Variants in PPM1H observed in about 807,000 individuals in gnomAD.
PPM1H encodes protein phosphatase, Mg2+/Mn2+ dependent 1H.
Under a neutral mutation model 54.9 loss-of-function variants are expected in PPM1H, and 27 were observed. The ratio of observed to expected loss-of-function variants is 0.49; its 90% CI spans 0.36 to 0.68. PPM1H has a LOEUF of 0.68. PPM1H is among the 30% of genes least tolerant of loss of function. The pLI, the probability that PPM1H is intolerant of heterozygous loss-of-function variation, is 0.00. For missense variants in PPM1H, 596 were observed against 667.8 expected, an observed-to-expected ratio of 0.89 and a Z score of 1.19; for synonymous variants, 305 against 270.8, an observed-to-expected ratio of 1.13 and a Z score of -1.24.
chr12:62,744,079 G>C (rs2120549076), intron 4 of PPM1H, among the ~76,000 whole-genome samples: 1 of 151,840 alleles, frequency 6.6e-6, no homozygotes, highest in Admixed American at 6.6e-5. Context: ...TATTCATTGG[G>C]GCAAAGACTG....
chr12:62,854,252 G>T (rs912934268), intron 1 of PPM1H, among the ~76,000 whole-genome samples: 2 of 152,082 alleles, frequency 1.3e-5, no homozygotes, highest in South Asian at 2.1e-4. Context: ...GATCACTCAG[G>T]CAACTCTTAA....
At chr12:62,773,710 T>G (rs1433406800) in intron 4 of PPM1H, among the ~76,000 whole-genome samples, 1 of 152,142 alleles carries the variant, frequency 6.6e-6, no homozygotes, top group East Asian at 1.9e-4. Context: ...TGCAGCCTGC[T>G]GACTGGGACC....
chr12:62,890,315 A>C (rs1190391364), intron 1 of PPM1H, among the ~76,000 whole-genome samples: 1 of 152,120 alleles, frequency 6.6e-6, no homozygotes, highest in Admixed American at 6.5e-5. Flanking sequence ...AAAATAAGCC[A>C]GGTGTGGTTG....
chr12:62,760,256 A>T (rs1024005470), intron 4 of PPM1H, among the ~76,000 whole-genome samples: 1 of 152,058 alleles, frequency 6.6e-6, no homozygotes, highest in Non-Finnish European at 1.5e-5. Flanking sequence ...TCTTTTACAC[A>T]TTGGTTCCTC....
At chr12:62,760,838 A>T (rs777525779) in intron 4 of PPM1H, among the ~76,000 whole-genome samples, 2 of 152,236 alleles carry the variant, frequency 1.3e-5, no homozygotes, top group Non-Finnish European at 2.9e-5. Context: ...AATGACCTAG[A>T]CTAGCTCTGA....
At position 62,647,108 on chromosome 12, in the gene PPM1H, T is replaced by C. The variant is rs907486548; in HGVS notation, c.*1381A>G. 1 of 152,176 alleles carries C rather than the reference T, an allele frequency of 6.6e-6. No individual in the cohort carries two copies. The highest frequency in any genetic ancestry group is 1.5e-5 in the Non-Finnish European group (1 of 68,040). 9.4% of individuals were successfully genotyped at this position (152,176 alleles called of 1,614,324 possible). A position where few individuals can be genotyped will look rare whatever the true frequency, so the allele number is the denominator to read the frequency against. On this transcript the variant is annotated 3_prime_UTR_variant, in exon 10 of 10. Coordinates refer to ENST00000228705, the MANE Select transcript of PPM1H (RefSeq NM_020700.2). ...TAAGAGACAGAAGTGAGTTTTATAATCTACTTGGCCATTCCTCCCAGCAGA... is the reference window on the plus strand; with the variant it reads ...TAAGAGACAGAAGTGAGTTTTATAACCTACTTGGCCATTCCTCCCAGCAGA...
chr12:62,919,900 A>G (rs1871739765), intron 1 of PPM1H, among the ~76,000 whole-genome samples: 2 of 149,602 alleles, frequency 1.3e-5, no homozygotes, highest in Middle Eastern at 3.4e-3. Flanking sequence ...GGAGAAGAGG[A>G]CAGGCAGGGC....
chr12:62,934,268 A>G lies in PPM1H; in HGVS notation c.245+224T>C, dbSNP rs920436805. Among the ~76,000 whole-genome samples the G allele has an allele frequency of 2.0e-5, 3 of 151,832 alleles. No individual in the cohort carries two copies. The highest frequency in any genetic ancestry group is 2.0e-4 in the Admixed American group (3 of 15,258). Reference sequence around the variant, plus strand: ...CTCCAGCGCTGCCACCCACCCCTCCACCACCCATACCGGGGCTGGAGACGC... The same window carrying G: ...CTCCAGCGCTGCCACCCACCCCTCCGCCACCCATACCGGGGCTGGAGACGC... On this transcript the variant is annotated intron_variant, in intron 1 of 9. Transcript: ENST00000228705. This position sits in a 1 kb window ranked among gnomAD's most constrained non-coding sequence, Gnocchi z 4.2.
rs142915708 is a variant in PPM1H at position 62,666,968 on chromosome 12, C to T, written c.1397+210G>A. ...ACCTCATGATTCACCCGCCTTGGCC[C>T]CCCAAAGTGCTGGGATTATAGGCAT... On this transcript the variant is annotated intron_variant, in intron 9 of 9. Coordinates refer to ENST00000228705, the MANE Select transcript of PPM1H (RefSeq NM_020700.2). Among the ~76,000 whole-genome samples, 1,440 of 152,252 alleles carry T rather than the reference C, an allele frequency of 9.5e-3. 28 individuals are homozygous for T. Among genetic ancestry groups the T allele is most frequent in the African/African-American group, 0.033 (1,371 of 41,544 alleles).
Position 62,764,644 on chromosome 12 carries a change from T to A in PPM1H, c.869+23582A>T, listed in dbSNP as rs1247908905. ...CGTTTACTCCTCGAGCACCTCCTACTTCGTGCCAGGCACTGTACTAGGCAC... is the reference window on the plus strand; with the variant it reads ...CGTTTACTCCTCGAGCACCTCCTACATCGTGCCAGGCACTGTACTAGGCAC... On this transcript the variant is annotated intron_variant, in intron 4 of 9. Transcript: ENST00000228705. Among the ~76,000 whole-genome samples, 3 of 152,152 alleles carry A rather than the reference T, an allele frequency of 2.0e-5. No individual in the cohort carries two copies. The East Asian group carries it at 5.8e-4, about 29-fold the overall frequency.
intron 6 of PPM1H, among the ~76,000 whole-genome samples, chr12:62,696,938 A>G (rs904036078): frequency 3.9e-5 from 6 of 152,206 alleles, no homozygotes. Flanking sequence ...TGAGACCATT[A>G]TTGTCCACTC....
At chr12:62,769,436 A>G (rs2076564819) in intron 4 of PPM1H, among the ~76,000 whole-genome samples, 1 of 152,228 alleles carries the variant, frequency 6.6e-6, no homozygotes, top group South Asian at 2.1e-4. Flanking sequence ...CAGTTGCCCA[A>G]TCACTGACAA....
At chr12:62,676,710 C>T (rs572019255) in intron 8 of PPM1H, among the ~76,000 whole-genome samples, 5 of 152,086 alleles carry the variant, frequency 3.3e-5, no homozygotes, top group South Asian at 2.1e-4. Context: ...GGACTTTGGT[C>T]GCCACCGAGC....
rs368238356 is a variant in PPM1H at position 62,687,990 on chromosome 12, C to G, written c.1245+1709G>C. On this transcript the variant is annotated intron_variant, in intron 8 of 9. Coordinates refer to ENST00000228705, the MANE Select transcript of PPM1H (RefSeq NM_020700.2). The stretch of plus-strand genomic sequence containing the variant: ...CACCACTGCACTCCAGCCTGGGCAA[C>G]AGAGTGAGACTCCATCTCAAAAAAA... Among the ~76,000 whole-genome samples the G allele has an allele frequency of 7.9e-4, 102 of 129,092 alleles. 1 individual carries two copies. Among genetic ancestry groups the G allele is most frequent in the African/African-American group, 2.2e-3 (71 of 31,602 alleles). The allele number at this position is 129,092 out of a possible 152,430, so 84.7% of individuals were successfully genotyped here. A position where few individuals can be genotyped will look rare whatever the true frequency, so the allele number is the denominator to read the frequency against.
chr12:62,932,651 T>TTTTTTTTTTTTTTA (rs1872181743), intron 1 of PPM1H, among the ~76,000 whole-genome samples: 1 of 136,536 alleles, frequency 7.3e-6, no homozygotes, highest in African/African-American at 2.8e-5. Context: ...TTTTTTTTTT[T>TTTTTTTTTTTTTTA]GAGAAGGAGT....
intron 5 of PPM1H, among the ~76,000 whole-genome samples, chr12:62,731,399 C>T (rs1422280077): frequency 6.6e-6 from 1 of 152,144 alleles, no homozygotes; most frequent in Non-Finnish European, 1.5e-5. Context: ...CAAGGTGGTG[C>T]ACCTGTCATT....
At chr12:62,704,974 C>T (rs1042469132) in intron 6 of PPM1H, among the ~76,000 whole-genome samples, 1 of 152,188 alleles carries the variant, frequency 6.6e-6, no homozygotes, top group African/African-American at 2.4e-5. Context: ...GATTCTTCTT[C>T]TCACCAGGCC....
intron 7 of PPM1H, among the ~76,000 whole-genome samples, chr12:62,690,859 C>A (rs1178274858): frequency 1.3e-5 from 2 of 152,122 alleles, no homozygotes; most frequent in Non-Finnish European, 2.9e-5. Context: ...GTAATCCCAG[C>A]TGCTTGGAGG....
rs1488490141 is a variant in PPM1H at position 62,934,186 on chromosome 12, TC to T, written c.245+305del. On this transcript the variant is annotated intron_variant, in intron 1 of 9. Transcript: ENST00000228705. This position sits in a 1 kb window ranked among gnomAD's most constrained non-coding sequence, Gnocchi z 4.2. Reference sequence around the variant, plus strand: ...TCAGAGCTTTTCTGCCCGTTTTTTTTCCCCAAGTGACAGAGACCCCGGATTC... The same window carrying T: ...TCAGAGCTTTTCTGCCCGTTTTTTTTCCCAAGTGACAGAGACCCCGGATTC... The T allele has an allele frequency of 1.2e-5, 4 of 342,636 alleles. No homozygotes were observed. In the Admixed American group the frequency reaches 1.4e-4, roughly 12 times the overall value. 21.2% of individuals were successfully genotyped at this position (342,636 alleles called of 1,614,324 possible). A position where few individuals can be genotyped will look rare whatever the true frequency, so the allele number is the denominator to read the frequency against.
Sources: allele counts gnomAD v4.1 joint callset (sites outside exome capture counted in the v4.1 genomes callset), GRCh38; gene constraint gnomAD v4.1.1; non-coding constraint Gnocchi (gnomAD v3.1); transcripts MANE v1.5; gene names NCBI Gene and HGNC (gene_info 2026-07-23, HGNC 2026-07-21).